Variants in NDST4 observed in about 807,000 individuals in gnomAD.
NDST4 encodes the protein N-deacetylase and N-sulfotransferase 4.
A neutral mutation model predicts 100.8 loss-of-function variants in NDST4; 63 were observed. The observed-to-expected ratio is 0.62, with a 90% CI of 0.51 to 0.77. The LOEUF (loss-of-function observed/expected upper bound fraction) is 0.77. Among genes scored for constraint, NDST4 ranks in the 30% least tolerant of loss-of-function variants. The pLI, the probability that NDST4 is intolerant of heterozygous loss-of-function variation, is 0.00. For synonymous variants in NDST4, 377 were observed against 361.8 expected (o/e 1.04, Z -0.48); for missense variants, 943 against 1,018.4 (o/e 0.93, Z 1.01).
intron 12 of NDST4, 94 bp from the exon 13 acceptor site, chr4:114,829,986 G>T (rs936428704): frequency 1.2e-6 from 1 of 816,980 alleles, no homozygotes; most frequent in Non-Finnish European, 2.0e-6. Context: ...ATTTTTGTAT[G>T]CCCACTGATT....
At chr4:115,048,478 G>T (rs537991019) in intron 2 of NDST4, among the ~76,000 whole-genome samples, 3 of 152,254 alleles carry the variant, frequency 2.0e-5, no homozygotes, top group Non-Finnish European at 2.9e-5. Flanking sequence ...CCTTTGGAAA[G>T]TTTGCAGATT....
At chr4:115,095,209 G>A (rs1440519747) in intron 1 of NDST4, among the ~76,000 whole-genome samples, 3 of 151,998 alleles carry the variant, frequency 2.0e-5, no homozygotes, top group Non-Finnish European at 4.4e-5. Flanking sequence ...GGCCATATCA[G>A]TTACCAAAGA....
chr4:114,904,796 ATTCTC>A (rs1263075029), intron 6 of NDST4, among the ~76,000 whole-genome samples: 1 of 151,932 alleles, frequency 6.6e-6, no homozygotes, highest in Non-Finnish European at 1.5e-5. Flanking sequence ...TCATATCTAT[ATTCTC>A]TTCTCTAATT....
At chr4:115,095,413 T>A (rs1011606500) in intron 1 of NDST4, among the ~76,000 whole-genome samples, 1 of 152,168 alleles carries the variant, frequency 6.6e-6, no homozygotes, top group Non-Finnish European at 1.5e-5. Context: ...CTAACTGAAA[T>A]CTGGCTTTCC....
intron 2 of NDST4, among the ~76,000 whole-genome samples, chr4:115,068,929 T>C (rs1380776684): frequency 6.6e-6 from 1 of 152,082 alleles, no homozygotes; most frequent in African/African-American, 2.4e-5. Context: ...TATTTTTTAA[T>C]CATTTGTAAG....
intron 6 of NDST4, among the ~76,000 whole-genome samples, chr4:114,889,045 G>A (rs1724538309): frequency 6.6e-6 from 1 of 151,806 alleles, no homozygotes; most frequent in Admixed American, 6.6e-5. Context: ...CATATATGTA[G>A]CAACACTAGA....
chr4:115,047,252 C>T (rs1410219793), intron 2 of NDST4, among the ~76,000 whole-genome samples: 1 of 151,972 alleles, frequency 6.6e-6, no homozygotes, highest in African/African-American at 2.4e-5. Flanking sequence ...TTTTATGTGT[C>T]AAACATTGTG....
At chr4:114,969,449 G>A (rs979942088) in intron 4 of NDST4, among the ~76,000 whole-genome samples, 2 of 151,788 alleles carry the variant, frequency 1.3e-5, no homozygotes, top group African/African-American at 4.8e-5. Context: ...GTATCAGACA[G>A]GTAGTTTTTC....
chr4:114,883,055 A>G (rs1220070207), intron 6 of NDST4, among the ~76,000 whole-genome samples: 3 of 152,112 alleles, frequency 2.0e-5, no homozygotes, highest in African/African-American at 7.2e-5. Flanking sequence ...AAAAACAGGA[A>G]TTTCTTTGTC....
chr4:115,050,161 T>C (rs549822094), intron 2 of NDST4, among the ~76,000 whole-genome samples: 258 of 152,306 alleles, frequency 1.7e-3, no homozygotes, highest in Non-Finnish European at 1.3e-3. Context: ...GAGTGAATTC[T>C]CAAAGTTTTA....
chr4:114,936,192 G>T (rs1725625306), intron 5 of NDST4, among the ~76,000 whole-genome samples: 1 of 151,732 alleles, frequency 6.6e-6, no homozygotes, highest in African/African-American at 2.4e-5. Flanking sequence ...GGGAAACCTG[G>T]GTATTTTCAC....
intron 6 of NDST4, among the ~76,000 whole-genome samples, chr4:114,888,470 G>T (rs1276760959): frequency 6.6e-6 from 1 of 152,128 alleles, no homozygotes; most frequent in Non-Finnish European, 1.5e-5. Context: ...CAATTCGCTA[G>T]CACTCCCAAA....
At chr4:115,033,180 G>T (rs1414056300) in intron 2 of NDST4, among the ~76,000 whole-genome samples, 1 of 137,068 alleles carries the variant, frequency 7.3e-6, no homozygotes, top group African/African-American at 2.8e-5. Flanking sequence ...TTGAAACAGG[G>T]TCTCACTCTT....
At chr4:114,886,215 CA>C (rs1335743183) in intron 6 of NDST4, among the ~76,000 whole-genome samples, 1 of 152,074 alleles carries the variant, frequency 6.6e-6, no homozygotes, top group Non-Finnish European at 1.5e-5. Context: ...GACAGTTTTT[CA>C]AACTTTAAAG....
chr4:114,878,241 C>T (rs1724297908), intron 6 of NDST4, among the ~76,000 whole-genome samples: 1 of 152,112 alleles, frequency 6.6e-6, no homozygotes. Context: ...CTCTATTGCT[C>T]CATGTGACTT....
chr4:114,853,372 T>C (rs1433618477), intron 7 of NDST4, among the ~76,000 whole-genome samples: 1 of 152,206 alleles, frequency 6.6e-6, no homozygotes, highest in Non-Finnish European at 1.5e-5. Flanking sequence ...TAAGGTTTTA[T>C]ATTGCAAATA....
At chr4:114,887,922 T>C (rs2126204665) in intron 6 of NDST4, among the ~76,000 whole-genome samples, 1 of 152,302 alleles carries the variant, frequency 6.6e-6, no homozygotes, top group Admixed American at 6.5e-5. Flanking sequence ...GTTGTCCTAA[T>C]AGGCCTTATA....
At chr4:114,883,334 A>G (rs1166892227) in intron 6 of NDST4, among the ~76,000 whole-genome samples, 3 of 152,132 alleles carry the variant, frequency 2.0e-5, no homozygotes, top group Non-Finnish European at 4.4e-5. Flanking sequence ...ATACTGAGTT[A>G]TAAGGGACCT....
chr4:115,092,794 T>C (rs1200659095), intron 1 of NDST4, among the ~76,000 whole-genome samples: 1 of 152,056 alleles, frequency 6.6e-6, no homozygotes, highest in Non-Finnish European at 1.5e-5. Flanking sequence ...ATTAAAAAAA[T>C]TTAGTAGAAA....
Sources: gnomAD v4.1 joint callset for allele counts (sites outside exome capture counted in the v4.1 genomes callset) on GRCh38, gnomAD v4.1.1 for gene constraint, MANE v1.5 for transcripts, NCBI Gene and HGNC (gene_info 2026-07-23, HGNC 2026-07-21) for gene names.